DNAAF9: variants seen among roughly 807,000 people sequenced by gnomAD.
DNAAF9 encodes shulin.
In DNAAF9, 90 loss-of-function variants were observed where a neutral mutation model predicts 167.0. That is an observed-to-expected ratio of 0.54 (90% CI 0.45 to 0.64). DNAAF9 has a LOEUF of 0.64. DNAAF9 is among the 30% of genes least tolerant of loss of function. The pLI, the probability that DNAAF9 is intolerant of heterozygous loss-of-function variation, is 0.00. For synonymous variants in DNAAF9, 491 were observed against 508.8 expected, an observed-to-expected ratio of 0.96 and a Z score of 0.47; for missense variants, 1,315 against 1,442.2, an observed-to-expected ratio of 0.91 and a Z score of 1.43.
chr20:3,364,034 G>C (rs1200586497), intron 6 of DNAAF9, among the ~76,000 whole-genome samples: 1 of 152,080 alleles, frequency 6.6e-6, no homozygotes, highest in Non-Finnish European at 1.5e-5. Context: ...ACTCTTGGGT[G>C]CAAGTGATCC....
chr20:3,268,649 T>C (rs946167514), intron 30 of DNAAF9, among the ~76,000 whole-genome samples: 2 of 152,070 alleles, frequency 1.3e-5, no homozygotes, highest in African/African-American at 2.4e-5. Context: ...TTTTGGTTTG[T>C]ATTTAATTTA....
intron 28 of DNAAF9, 148 bp from the exon 29 acceptor site, chr20:3,279,097 CA>C: frequency 3.1e-6 from 2 of 655,462 alleles, no homozygotes; most frequent in Non-Finnish European, 5.5e-6. Context: ...TAAGGATAGC[CA>C]TGGGACTTTA....
intron 16 of DNAAF9, among the ~76,000 whole-genome samples, chr20:3,321,954 C>T (rs2123050097): frequency 1.3e-5 from 2 of 152,290 alleles, no homozygotes; most frequent in Middle Eastern, 6.8e-3. Context: ...GAAAGAGGTG[C>T]CTCCCAACAC....
At chr20:3,373,720 T>G (rs531831093) in intron 6 of DNAAF9, among the ~76,000 whole-genome samples, 1 of 152,220 alleles carries the variant, frequency 6.6e-6, no homozygotes, top group African/African-American at 2.4e-5. Flanking sequence ...TGGGTGAGTG[T>G]GACAAATGTG....
chr20:3,263,727 T>C (rs2068435158), intron 31 of DNAAF9, among the ~76,000 whole-genome samples: 1 of 152,252 alleles, frequency 6.6e-6, no homozygotes, highest in Non-Finnish European at 1.5e-5. Flanking sequence ...AGATCTGCAC[T>C]GTTGGACACG....
At chr20:3,274,945 C>T (rs929010651) in intron 29 of DNAAF9, among the ~76,000 whole-genome samples, 1 of 152,236 alleles carries the variant, frequency 6.6e-6, no homozygotes, top group African/African-American at 2.4e-5. Flanking sequence ...TCCCCTGCCT[C>T]TAGTCTTTGG....
At position 3,357,502 on chromosome 20, in the gene DNAAF9, G is replaced by A. The variant is rs868076488; in HGVS notation, c.690+2014C>T. 3.3e-4 allele frequency among the ~76,000 whole-genome samples: 50 copies of A among 151,834 alleles called. 1 individual carries two copies. Among genetic ancestry groups the A allele is most frequent in the Non-Finnish European group, 1.3e-4 (9 of 67,972 alleles). ...AATAAATAAATAAATAAATATTACC[G>A]AGTGCTAGTGTTTACCTTGTTAACT... On this transcript the variant is annotated intron_variant, in intron 7 of 36. Coordinates refer to ENST00000252032, the MANE Select transcript of DNAAF9 (RefSeq NM_001009984.3).
intron 7 of DNAAF9, among the ~76,000 whole-genome samples, chr20:3,357,163 T>G (rs1356719416): frequency 6.6e-6 from 1 of 152,158 alleles, no homozygotes; most frequent in Non-Finnish European, 1.5e-5. Flanking sequence ...TGATATGTAG[T>G]GTTTTCATTA....
At chr20:3,291,768 C>A (rs1452941488) in intron 25 of DNAAF9, among the ~76,000 whole-genome samples, 1 of 152,102 alleles carries the variant, frequency 6.6e-6, no homozygotes, top group East Asian at 1.9e-4. Context: ...AGAAGACGGC[C>A]GTAAATCCCT....
intron 16 of DNAAF9, among the ~76,000 whole-genome samples, chr20:3,320,061 T>A (rs920681663): frequency 6.6e-6 from 1 of 152,126 alleles, no homozygotes; most frequent in African/African-American, 2.4e-5. Flanking sequence ...AGAGAGGATA[T>A]TAAAAAGATA....
intron 33 of DNAAF9, among the ~76,000 whole-genome samples, chr20:3,258,702 C>T (rs1376409895): frequency 6.6e-6 from 1 of 152,124 alleles, no homozygotes; most frequent in Non-Finnish European, 1.5e-5. Context: ...CGAAGACATA[C>T]ATCACCTGGC....
At chr20:3,340,294 T>A (rs927996414) in intron 10 of DNAAF9, among the ~76,000 whole-genome samples, 1 of 146,280 alleles carries the variant, frequency 6.8e-6, no homozygotes, top group Non-Finnish European at 1.5e-5. Flanking sequence ...CAAAATTAAA[T>A]GTGATGCTTT....
intron 33 of DNAAF9, among the ~76,000 whole-genome samples, chr20:3,258,538 G>A (rs1242231322): frequency 1.3e-5 from 2 of 152,084 alleles, no homozygotes; most frequent in African/African-American, 4.8e-5. Flanking sequence ...TGGGGGAGGC[G>A]CTGCACTGAC....
intron 20 of DNAAF9, among the ~76,000 whole-genome samples, chr20:3,307,564 A>G (rs2123001866): frequency 6.6e-6 from 1 of 152,152 alleles, no homozygotes; most frequent in Non-Finnish European, 1.5e-5. Context: ...ACTCCTGAGG[A>G]GATCTCCCTG....
At position 3,359,600 on chromosome 20, in the gene DNAAF9, C is replaced by A. The variant is rs773934811; in HGVS notation, c.613-7G>T. The stretch of plus-strand genomic sequence containing the variant: ...TCAAACTCACATCCTGCAACTGCAA[C>A]AGAGGGCAAAAACATTGAAATAATT... On this transcript the variant is annotated splice_region_variant and splice_polypyrimidine_tract_variant and intron_variant, in intron 6 of 36. Transcript: ENST00000252032. 1 of 1,597,628 alleles carries A rather than the reference C, an allele frequency of 6.3e-7. No homozygotes were observed. Among genetic ancestry groups the A allele is most frequent in the South Asian group, 1.1e-5 (1 of 90,032 alleles).
At position 3,340,492 on chromosome 20, in the gene DNAAF9, C is replaced by A; in HGVS notation, c.981+12G>T. 1 of 1,404,840 alleles carries A rather than the reference C, an allele frequency of 7.1e-7. No homozygotes were observed. Among genetic ancestry groups the A allele is most frequent in the South Asian group, 1.1e-5 (1 of 87,770 alleles). The allele number at this position is 1,404,840 out of a possible 1,614,324, so 87.0% of individuals were successfully genotyped here. ...TAAAACTAATCAAGCACCAGGCAGT[C>A]CAGCCACTTACCATGTGCTTGGCAA... is the stretch of plus-strand genomic sequence containing the variant. On this transcript the variant is annotated intron_variant, in intron 10 of 36. Transcript: ENST00000252032.
chr20:3,321,794 A>G (rs936848048), intron 16 of DNAAF9, among the ~76,000 whole-genome samples: 1 of 152,096 alleles, frequency 6.6e-6, no homozygotes. Flanking sequence ...ACTGGTCTCA[A>G]CTCTAGGTTC....
chr20:3,330,726 T>G, intron 11 of DNAAF9, 44 bp from the exon 12 acceptor site: 1 of 1,240,588 alleles, frequency 8.1e-7, no homozygotes, highest in Non-Finnish European at 1.2e-6. Context: ...GCACAGGATA[T>G]GCAAACACTT....
At chr20:3,317,060 A>G (rs1310975120) in intron 17 of DNAAF9, among the ~76,000 whole-genome samples, 1 of 151,714 alleles carries the variant, frequency 6.6e-6, no homozygotes, top group East Asian at 1.9e-4. Flanking sequence ...ATGCCGGGCT[A>G]ATTTTTGTAT....
Sources: allele counts gnomAD v4.1 joint callset (sites outside exome capture counted in the v4.1 genomes callset), GRCh38; gene constraint gnomAD v4.1.1; transcripts MANE v1.5; gene names NCBI Gene and HGNC (gene_info 2026-07-23, HGNC 2026-07-21).